Variants in NUP98 observed in about 807,000 individuals in gnomAD.
NUP98 encodes the protein nuclear pore complex protein Nup98-Nup96.
Under a neutral mutation model 191.9 loss-of-function variants are expected in NUP98, and 26 were observed. The observed-to-expected ratio is 0.14, with a 90% confidence interval of 0.10 to 0.19. The LOEUF is 0.19. NUP98 is among the 10% of genes least tolerant of loss of function. The probability of loss-of-function intolerance (pLI) is 1.00; values close to 1 mark genes in which losing one functional copy is unlikely to be tolerated. For synonymous variants in NUP98, 808 were observed against 778.4 expected (o/e 1.04, Z -0.63); for missense variants, 1,941 against 2,178.8 (o/e 0.89, Z 2.17).
rs1454359126 is a variant in NUP98, at chr11:3,713,813, T to C, written c.2577+5A>G. On this transcript the variant is annotated splice_donor_5th_base_variant and intron_variant, in intron 19 of 32. Coordinates refer to ENST00000324932, the MANE Select transcript of NUP98 (RefSeq NM_016320.5). Reference sequence around the variant, plus strand: ...AAAAGTCTGAACTGGGTTAAATGACTATACCTTAAACACCCAAGAACCAGT... The same window carrying C: ...AAAAGTCTGAACTGGGTTAAATGACCATACCTTAAACACCCAAGAACCAGT... The C allele has an allele frequency of 1.2e-6, 2 of 1,610,866 alleles. No individual in the cohort carries two copies. Among genetic ancestry groups the C allele is most frequent in the African/African-American group, 1.3e-5 (1 of 74,672 alleles).
chr11:3,677,721 T>C (rs754956072), intron 31 of NUP98, among the ~76,000 whole-genome samples: 1 of 152,170 alleles, frequency 6.6e-6, no homozygotes, highest in Non-Finnish European at 1.5e-5. Flanking sequence ...TTCTCCATAA[T>C]AGGTTGTGTG....
chr11:3,757,603 A>G (rs576252553), intron 10 of NUP98, among the ~76,000 whole-genome samples: 1 of 151,886 alleles, frequency 6.6e-6, no homozygotes, highest in East Asian at 1.9e-4. Flanking sequence ...GTTCCAGACT[A>G]GACTGGCCAA....
chr11:3,773,127 C>T (rs2081586511), intron 6 of NUP98, among the ~76,000 whole-genome samples: 1 of 151,968 alleles, frequency 6.6e-6, no homozygotes. Flanking sequence ...TTAGACTGGG[C>T]TCAGTGGCTC....
chr11:3,716,680 C>T (rs1327464713), intron 18 of NUP98, among the ~76,000 whole-genome samples: 2 of 152,080 alleles, frequency 1.3e-5, no homozygotes, highest in East Asian at 3.8e-4. Context: ...TACACTCAAG[C>T]CTGGGTGACA....
At chr11:3,725,310 T>C (rs1044053854) in intron 14 of NUP98, 91 bp from the exon 15 acceptor site, 18 of 657,518 alleles carry the variant, frequency 2.7e-5, no homozygotes, top group Non-Finnish European at 4.6e-5. Flanking sequence ...AGTCCAATGG[T>C]GCACTTCTGC....
At chr11:3,709,083 T>G (rs1451885720) in intron 20 of NUP98, among the ~76,000 whole-genome samples, 2 of 152,186 alleles carry the variant, frequency 1.3e-5, no homozygotes, top group Non-Finnish European at 2.9e-5. Flanking sequence ...CTTAATTCAG[T>G]AGGAAAAGTA....
intron 7 of NUP98, among the ~76,000 whole-genome samples, chr11:3,769,878 C>CTA (rs1287834644): frequency 6.6e-6 from 1 of 151,744 alleles, no homozygotes; most frequent in African/African-American, 2.4e-5. Flanking sequence ...CCCATCTGTA[C>CTA]TAAAAATACA....
chr11:3,797,242 C>A (rs978190600), intron 1 of NUP98, among the ~76,000 whole-genome samples, 158 bp downstream of exon 1: 4 of 152,278 alleles, frequency 2.6e-5, no homozygotes, highest in African/African-American at 9.6e-5. Context: ...TCCGGGCCCC[C>A]GGGTCCTCAG....
At chr11:3,753,151 AG>A (rs2080827495) in intron 11 of NUP98, among the ~76,000 whole-genome samples, 164 bp downstream of exon 11, 2 of 152,242 alleles carry the variant, frequency 1.3e-5, no homozygotes, top group South Asian at 4.1e-4. Context: ...AATATTTTAA[AG>A]CCTGGTAAAG....
chr11:3,722,283 C>A (rs1400386930), intron 16 of NUP98, among the ~76,000 whole-genome samples: 1 of 151,354 alleles, frequency 6.6e-6, no homozygotes, highest in East Asian at 2.0e-4. Context: ...TGGCTAATTA[C>A]TTTTAAGTTT....
intron 21 of NUP98, among the ~76,000 whole-genome samples, chr11:3,705,709 G>A (rs962381461): frequency 6.6e-6 from 1 of 152,164 alleles, no homozygotes; most frequent in Admixed American, 6.5e-5. Context: ...AAAGAAACCT[G>A]TGCTACTAGG....
chr11:3,781,185 CAAAAAA>C (rs34704470), intron 2 of NUP98, among the ~76,000 whole-genome samples: 3 of 69,038 alleles, frequency 4.3e-5, no homozygotes, highest in African/African-American at 1.1e-4. Context: ...GATCCTATCT[CAAAAAA>C]AAAAAAAAAA....
At chr11:3,774,884 G>A (rs896301448) in intron 5 of NUP98, among the ~76,000 whole-genome samples, 1 of 152,038 alleles carries the variant, frequency 6.6e-6, no homozygotes, top group South Asian at 2.1e-4. Context: ...CTTCAAATTC[G>A]GGGTTGTAAA....
chr11:3,686,908 AC>A (rs2078149705), intron 28 of NUP98, among the ~76,000 whole-genome samples: 6 of 152,182 alleles, frequency 3.9e-5, no homozygotes, highest in African/African-American at 1.4e-4. Flanking sequence ...AACTGCTGGA[AC>A]CCAGGAGGCG....
At position 3,686,021 on chromosome 11, in the gene NUP98, C is replaced by T; in HGVS notation, c.4628G>A (p.Gly1543Glu). The T allele has an allele frequency of 6.2e-7, 1 of 1,614,148 alleles. No individual in the cohort carries two copies. Among genetic ancestry groups the T allele is most frequent in the Non-Finnish European group, 8.5e-7 (1 of 1,180,036 alleles). Reference protein sequence around the residue: ...ASYAGQLESEGLWEWAIFVLL... With the variant: ...ASYAGQLESEELWEWAIFVLL... ...GACAAAGATGGCCCACTCCCAGAGC[C>T]CCTCACTTTCAAGCTGGCCAGCGTA... Residue 1543 changes from glycine (G) to glutamate (E), a missense_variant, in exon 29 of 33, where the codon GGG becomes GAG. Coordinates refer to ENST00000324932, the MANE Select transcript of NUP98 (RefSeq NM_016320.5).
chr11:3,678,809 C>T (rs773621871), intron 31 of NUP98, among the ~76,000 whole-genome samples: 4 of 151,996 alleles, frequency 2.6e-5, no homozygotes, highest in Non-Finnish European at 4.4e-5. Context: ...ACTCATTTTA[C>T]GACTACAAAG....
intron 1 of NUP98, among the ~76,000 whole-genome samples, chr11:3,790,997 G>A (rs1471649408): frequency 2.0e-5 from 3 of 151,302 alleles, no homozygotes; most frequent in East Asian, 3.9e-4. Context: ...CCAGGTTCAC[G>A]ACATTCTCCT....
chr11:3,708,880 G>A (rs951976726), intron 20 of NUP98, among the ~76,000 whole-genome samples: 4 of 152,104 alleles, frequency 2.6e-5, no homozygotes, highest in African/African-American at 9.7e-5. Context: ...TCTCTTGAAG[G>A]CAGCATCATA....
At chr11:3,716,228 T>C (rs1387294097) in intron 18 of NUP98, among the ~76,000 whole-genome samples, 4 of 152,232 alleles carry the variant, frequency 2.6e-5, no homozygotes, top group Admixed American at 6.5e-5. Flanking sequence ...TTAGGTATTT[T>C]ATCCATTTTG....
Sources: allele counts gnomAD v4.1 joint callset (sites outside exome capture counted in the v4.1 genomes callset), GRCh38; gene constraint gnomAD v4.1.1; transcripts MANE v1.5; gene names NCBI Gene and HGNC (gene_info 2026-07-23, HGNC 2026-07-21).